Variants in CIRSR observed in about 807,000 individuals in gnomAD.
CIRSR encodes the protein corepressor of RBPJ and splicing regulator.
chr2:174,392,650 C>A, the CIRSR span, among the ~76,000 whole-genome samples: 1 of 152,058 alleles, frequency 6.6e-6, no homozygotes, highest in Non-Finnish European at 1.5e-5. Flanking sequence ...CAGTGATTGA[C>A]TAGATAAAGG....
chr2:174,381,618 C>A, the CIRSR span: 3 of 965,228 alleles, frequency 3.1e-6, no homozygotes, highest in Middle Eastern at 3.4e-4. Context: ...GATGGCACCA[C>A]TGCACTCCAG....
At chr2:174,349,243 A>T in the CIRSR span, 1 of 847,154 alleles carries the variant, frequency 1.2e-6, no homozygotes, top group Non-Finnish European at 1.7e-6. Context: ...AGTTATGAAC[A>T]AACAATATAT....
At chr2:174,386,356 T>C in the CIRSR span, among the ~76,000 whole-genome samples, 5 of 152,080 alleles carry the variant, frequency 3.3e-5, no homozygotes, top group South Asian at 8.3e-4. Context: ...TAACTTTGTA[T>C]TTCTTAGTAG....
At chr2:174,388,401 A>G in the CIRSR span, among the ~76,000 whole-genome samples, 1 of 152,086 alleles carries the variant, frequency 6.6e-6, no homozygotes, top group Non-Finnish European at 1.5e-5. Flanking sequence ...GGGTTTCGCT[A>G]TGTTGGCCAG....
the CIRSR span, among the ~76,000 whole-genome samples, chr2:174,393,726 T>C: frequency 2.0e-5 from 3 of 151,686 alleles, no homozygotes; most frequent in Admixed American, 6.6e-5. Context: ...GTATGACATA[T>C]AAAAAGCTGT....
the CIRSR span, among the ~76,000 whole-genome samples, chr2:174,354,355 ATATAT>A: frequency 6.3e-5 from 8 of 126,892 alleles, no homozygotes; most frequent in South Asian, 2.2e-4. Context: ...TTTTTATAAG[ATATAT>A]TATATATGTA....
At chr2:174,393,161 T>C in the CIRSR span, among the ~76,000 whole-genome samples, 1 of 152,162 alleles carries the variant, frequency 6.6e-6, no homozygotes, top group East Asian at 1.9e-4. Flanking sequence ...TTTACAGTGA[T>C]GCAATTGTCA....
the CIRSR span, among the ~76,000 whole-genome samples, chr2:174,367,745 T>TAAAAAAAAAAAA: frequency 2.8e-5 from 2 of 70,852 alleles, no homozygotes; most frequent in Non-Finnish European, 5.2e-5. Context: ...TGCTGTCTCT[T>TAAAAAAAAAAAA]AAAAAAAAAA....
the CIRSR span, among the ~76,000 whole-genome samples, chr2:174,349,363 G>A: frequency 6.6e-6 from 1 of 151,818 alleles, no homozygotes; most frequent in Non-Finnish European, 1.5e-5. Context: ...TCAGGAGTTC[G>A]AGACCAGCCT....
At chr2:174,367,517 T>G in the CIRSR span, among the ~76,000 whole-genome samples, 1 of 151,652 alleles carries the variant, frequency 6.6e-6, no homozygotes, top group Non-Finnish European at 1.5e-5. Flanking sequence ...GAGGCGGAGG[T>G]TGCAGTAAGC....
At chr2:174,373,686 C>T in the CIRSR span, among the ~76,000 whole-genome samples, 1 of 151,828 alleles carries the variant, frequency 6.6e-6, no homozygotes, top group Non-Finnish European at 1.5e-5. Context: ...GTTGACTTTG[C>T]CATTCCCCTA....
At chr2:174,379,746 T>TG in the CIRSR span, among the ~76,000 whole-genome samples, 1 of 128,646 alleles carries the variant, frequency 7.8e-6, no homozygotes, top group Admixed American at 9.1e-5. Flanking sequence ...TTTTTTGAGA[T>TG]GGAGTCTCGC....
chr2:174,377,806 C>G, the CIRSR span, among the ~76,000 whole-genome samples: 1 of 117,466 alleles, frequency 8.5e-6, no homozygotes, highest in South Asian at 2.7e-4. Context: ...GCCTGGGCAA[C>G]AGAGCCAGAC....
chr2:174,356,516 A>G, the CIRSR span, among the ~76,000 whole-genome samples: 8 of 91,006 alleles, frequency 8.8e-5, no homozygotes, highest in East Asian at 4.9e-4. Flanking sequence ...GGGAAGGAAG[A>G]AAGAAAGAAA....
chr2:174,386,079 C>T, the CIRSR span, among the ~76,000 whole-genome samples: 3 of 152,102 alleles, frequency 2.0e-5, no homozygotes, highest in African/African-American at 7.2e-5. Flanking sequence ...TAGTTTTTCA[C>T]CTCCACTCTG....
chr2:174,349,948 TGAGTAA>T, the CIRSR span, among the ~76,000 whole-genome samples: 1 of 152,326 alleles, frequency 6.6e-6, no homozygotes, highest in South Asian at 2.1e-4. Flanking sequence ...CCAGAAATTC[TGAGTAA>T]GAGTACACAT....
the CIRSR span, chr2:174,358,484 A>T: frequency 6.5e-6 from 1 of 153,516 alleles, no homozygotes; most frequent in Non-Finnish European, 1.5e-5. Flanking sequence ...ATGATCCACC[A>T]GCCTTGGCCT....
chr2:174,368,088 T>C, the CIRSR span, among the ~76,000 whole-genome samples: 2 of 152,120 alleles, frequency 1.3e-5, no homozygotes, highest in Non-Finnish European at 2.9e-5. Flanking sequence ...AAAACATATA[T>C]AAATGTTTTT....
chr2:174,366,762 T>C, the CIRSR span, among the ~76,000 whole-genome samples: 5 of 152,132 alleles, frequency 3.3e-5, no homozygotes, highest in Non-Finnish European at 5.9e-5. Context: ...ATGGCAGCAA[T>C]GTTATAAGGG....
Sources: allele counts gnomAD v4.1 joint callset (sites outside exome capture counted in the v4.1 genomes callset), GRCh38; gene constraint gnomAD v4.1.1; transcripts MANE v1.5; gene names NCBI Gene and HGNC (gene_info 2026-07-23, HGNC 2026-07-21).